The following TMEM130 variants were observed in gnomAD, a reference collection of about 807,000 sequenced individuals.
TMEM130 encodes transmembrane protein 130.
In TMEM130, 37 loss-of-function variants were observed where a neutral mutation model predicts 42.9. The ratio of observed to expected loss-of-function variants is 0.86; its 90% confidence interval spans 0.66 to 1.13. The LOEUF is 1.13. Among genes scored for constraint, TMEM130 ranks in the 50% most tolerant of loss-of-function variants. TMEM130 has a pLI of 0.00. For synonymous variants in TMEM130, 259 were observed against 237.7 expected (o/e 1.09, Z -0.82); for missense variants, 545 against 562.6 (o/e 0.97, Z 0.32).
intron 3 of TMEM130, among the ~76,000 whole-genome samples, chr7:98,859,115 AAGGG>A (rs376016730): frequency 1.1e-3 from 147 of 132,642 alleles, no homozygotes; most frequent in African/African-American, 3.6e-3. Flanking sequence ...GGAAGAAAGG[AAGGG>A]AGGGAGGGAG....
At chr7:98,852,553 A>G (rs1180531853) in intron 5 of TMEM130, among the ~76,000 whole-genome samples, 1 of 152,042 alleles carries the variant, frequency 6.6e-6, no homozygotes, top group East Asian at 1.9e-4. Flanking sequence ...AGCCACTGCA[A>G]CCAGCATGAG....
At position 98,863,397 on chromosome 7, in the gene TMEM130, A is replaced by G. The variant is rs1480494036; in HGVS notation, c.89T>C (p.Leu30Pro). Reference sequence around the variant, plus strand: ...ATCGGTGGTGAGATTGAGTTCATACAGGCCTAGGAGCCCAGAAACAAAGAC... The same window carrying G: ...ATCGGTGGTGAGATTGAGTTCATACGGGCCTAGGAGCCCAGAAACAAAGAC... ...PWAPAGVAAG[L>P]YELNLTTDSP... The change falls in exon 2 of 8, where the codon CTG becomes CCG. Residue 30 changes from leucine (L) to proline (P), a missense_variant. Physicochemically the swap from Leu to Pro is moderately conservative, Grantham distance 98. Transcript: ENST00000339375. 3.8e-6 allele frequency: 6 copies of G among 1,573,476 alleles called. No homozygotes were observed. The highest frequency in any genetic ancestry group is 5.2e-6 in the Non-Finnish European group (6 of 1,162,114).
chr7:98,860,093 G>T, intron 3 of TMEM130, 86 bp downstream of exon 3: 13 of 1,175,998 alleles, frequency 1.1e-5, no homozygotes, highest in Non-Finnish European at 1.4e-5. Context: ...AATTAAAGGT[G>T]AAGAGATTCG....
Position 98,847,905 on chromosome 7 carries a change from TG to T in TMEM130, c.*150del. 1 of 687,706 alleles carries T rather than the reference TG, an allele frequency of 1.5e-6. No homozygotes were observed. Among genetic ancestry groups the T allele is most frequent in the Non-Finnish European group, 2.4e-6 (1 of 408,946 alleles). 42.6% of individuals were successfully genotyped at this position (687,706 alleles called of 1,614,324 possible). Reference sequence around the variant, plus strand: ...GGGGTGACAGAGAGGGAGGGGCTTGTGGCAGTGGCTGAACTGTACAGATGGA... The same window carrying T: ...GGGGTGACAGAGAGGGAGGGGCTTGTGCAGTGGCTGAACTGTACAGATGGA... On this transcript the variant is annotated 3_prime_UTR_variant, in exon 8 of 8. Transcript: ENST00000339375.
chr7:98,870,007 G>A lies in TMEM130; in HGVS notation c.-146C>T, dbSNP rs1288564881. On this transcript the variant is annotated 5_prime_UTR_variant, in exon 1 of 8. Transcript: ENST00000339375. ...CCGTGCTCGCTCGTCCTCGCCGGGGGACGCTCTGTCGCTGCGCGCCGCCGC... is the reference window on the plus strand; with the variant it reads ...CCGTGCTCGCTCGTCCTCGCCGGGGAACGCTCTGTCGCTGCGCGCCGCCGC... 9.5e-6 allele frequency: 4 copies of A among 422,914 alleles called. No individual in the cohort carries two copies. Among genetic ancestry groups the A allele is most frequent in the African/African-American group, 6.3e-5 (3 of 47,950 alleles). 26.2% of individuals were successfully genotyped at this position (422,914 alleles called of 1,614,324 possible).
intron 2 of TMEM130, among the ~76,000 whole-genome samples, chr7:98,860,545 T>C (rs543033725): frequency 6.6e-6 from 1 of 152,168 alleles, no homozygotes; most frequent in African/African-American, 2.4e-5. Flanking sequence ...CCCTGCTGCA[T>C]GAACACTGCT....
At chr7:98,858,044 A>C (rs1794674787) in intron 3 of TMEM130, among the ~76,000 whole-genome samples, 1 of 152,038 alleles carries the variant, frequency 6.6e-6, no homozygotes. Flanking sequence ...ACCCGGCCAA[A>C]AACAAAAACA....
chr7:98,849,537 T>C (rs1222347091), intron 6 of TMEM130, among the ~76,000 whole-genome samples: 1 of 152,192 alleles, frequency 6.6e-6, no homozygotes, highest in African/African-American at 2.4e-5. Context: ...TCAAGTGACC[T>C]GATGATGCCC....
chr7:98,848,535 C>A (rs782567414), intron 7 of TMEM130, 48 bp downstream of exon 7: 1 of 1,335,774 alleles, frequency 7.5e-7, no homozygotes, highest in South Asian at 1.2e-5. Flanking sequence ...TAAACATCCT[C>A]TCTAGGCAAG....
Position 98,848,022 on chromosome 7 carries a change from G to A in TMEM130, c.*34C>T. The stretch of plus-strand genomic sequence containing the variant: ...GCTGGAAACTCCAAGTCAGCAGTCA[G>A]TTAACACTGAGATGGGGTGGGGAGG... On this transcript the variant is annotated 3_prime_UTR_variant, in exon 8 of 8. Coordinates refer to ENST00000339375, the MANE Select transcript of TMEM130 (RefSeq NM_152913.3). The A allele has an allele frequency of 6.3e-7, 1 of 1,596,012 alleles. No homozygotes were observed. The highest frequency in any genetic ancestry group is 8.6e-7 in the Non-Finnish European group (1 of 1,169,240).
rs1794972992 is a variant in TMEM130 at position 98,869,196 on chromosome 7, C to T, written c.85+581G>A. The T allele has an allele frequency of 7.8e-7, 1 of 1,288,450 alleles. No homozygotes were observed. Among genetic ancestry groups the T allele is most frequent in the East Asian group, 5.6e-5 (1 of 17,884 alleles). 79.8% of individuals were successfully genotyped at this position (1,288,450 alleles called of 1,614,324 possible). Reference sequence around the variant, plus strand: ...CCTGCTTCCCCCACTCCCCCACCCACACACACACCCCAGGAACCTGTCAGC... The same window carrying T: ...CCTGCTTCCCCCACTCCCCCACCCATACACACACCCCAGGAACCTGTCAGC... On this transcript the variant is annotated intron_variant, in intron 1 of 7. Coordinates refer to ENST00000339375, the MANE Select transcript of TMEM130 (RefSeq NM_152913.3). The surrounding 1 kb of genome is among the most constrained non-coding windows in gnomAD (Gnocchi z 4.7).
intron 1 of TMEM130, 34 bp from the exon 2 acceptor site, chr7:98,863,434 A>G (rs1554400185): frequency 6.5e-7 from 1 of 1,530,082 alleles, no homozygotes; most frequent in Non-Finnish European, 8.8e-7. Flanking sequence ...GTGTTTCAGA[A>G]TGGTGTGTGG....
intron 2 of TMEM130, among the ~76,000 whole-genome samples, 199 bp from the exon 3 acceptor site, chr7:98,860,537 C>T (rs182376871): frequency 9.1e-4 from 138 of 152,300 alleles, no homozygotes; most frequent in Admixed American, 2.6e-3. Context: ...CACCCTCCCC[C>T]TGCTGCATGA....
At chr7:98,858,648 C>T (rs1343403870) in intron 3 of TMEM130, among the ~76,000 whole-genome samples, 1 of 151,964 alleles carries the variant, frequency 6.6e-6, no homozygotes, top group East Asian at 1.9e-4. Context: ...CCCAGGAGGT[C>T]GAGACCAGCC....
At chr7:98,852,653 G>C (rs1323776055) in intron 5 of TMEM130, among the ~76,000 whole-genome samples, 1 of 152,024 alleles carries the variant, frequency 6.6e-6, no homozygotes, top group African/African-American at 2.4e-5. Context: ...GGAGTGCAGT[G>C]GTGCGATCTC....
At chr7:98,857,659 C>A (rs1447567971) in intron 3 of TMEM130, among the ~76,000 whole-genome samples, 2 of 150,998 alleles carry the variant, frequency 1.3e-5, no homozygotes, top group Non-Finnish European at 2.9e-5. Flanking sequence ...GTGATCACGC[C>A]ACTGCACTCC....
At chr7:98,860,110 C>T (rs1562909673) in intron 3 of TMEM130, 69 bp downstream of exon 3, 2 of 1,494,188 alleles carry the variant, frequency 1.3e-6, no homozygotes, top group Non-Finnish European at 1.8e-6. Context: ...TTCGGAGTAC[C>T]CTGCACAGTG....
rs1794976266 is a variant in TMEM130, at chr7:98,869,354, A to C, written c.85+423T>G. On this transcript the variant is annotated intron_variant, in intron 1 of 7. Transcript: ENST00000339375. This position sits in a 1 kb window ranked among gnomAD's most constrained non-coding sequence, Gnocchi z 4.7. ...TCTAGATGAGGCGACATTTTAAGGC[A>C]AAAACGTTGCCCATCCCGTGCTCCC... 8.2e-7 allele frequency: 1 copy of C among 1,213,562 alleles called. No homozygotes were observed. Among genetic ancestry groups the C allele is most frequent in the Non-Finnish European group, 1.0e-6 (1 of 956,024 alleles). 75.2% of individuals were successfully genotyped at this position (1,213,562 alleles called of 1,614,324 possible).
rs919327493 is a variant in TMEM130 at position 98,847,761 on chromosome 7, A to G, written c.*295T>C. On this transcript the variant is annotated 3_prime_UTR_variant, in exon 8 of 8. Transcript: ENST00000339375. ...GCCCACCTGGGAGTCAACACGGAAC[A>G]CCCCAAGCATCAAAGTCCTGCACGA... 3 of 264,102 alleles carry G rather than the reference A, an allele frequency of 1.1e-5. No homozygotes were observed. Among genetic ancestry groups the G allele is most frequent in the Non-Finnish European group, 2.1e-5 (3 of 139,996 alleles). The allele number at this position is 264,102 out of a possible 1,614,324, so 16.4% of individuals were successfully genotyped here.
Sources: gnomAD v4.1 joint callset for allele counts (sites outside exome capture counted in the v4.1 genomes callset) on GRCh38, gnomAD v4.1.1 for gene constraint, Gnocchi (gnomAD v3.1) non-coding constraint, MANE v1.5 for transcripts, NCBI Gene and HGNC (gene_info 2026-07-23, HGNC 2026-07-21) for gene names.